The following DIAPH2 variants were observed in gnomAD, a reference collection of about 807,000 sequenced individuals.
DIAPH2 encodes diaphanous related formin 2, also known as protein diaphanous homolog 2.
A neutral mutation model predicts 92.7 loss-of-function variants in DIAPH2; 35 were observed. The ratio of observed to expected loss-of-function variants is 0.38; its 90% CI spans 0.29 to 0.50. The LOEUF is 0.50. DIAPH2 is among the 20% of genes least tolerant of loss of function. DIAPH2 has a pLI of 0.94. For synonymous variants in DIAPH2, 301 were observed against 280.4 expected (o/e 1.07, Z -0.73); for missense variants, 701 against 819.5 (o/e 0.86, Z 1.77).
intron 3 of DIAPH2, among the ~76,000 whole-genome samples, chrX:96,741,381 C>T (rs963981930): frequency 2.7e-5 from 3 of 109,261 alleles, no homozygotes; most frequent in Admixed American, 1.0e-4. Context: ...AACCAGGTTT[C>T]CATCCCACCA....
chrX:96,702,103 G>A (rs1024102983), intron 1 of DIAPH2, among the ~76,000 whole-genome samples: 8 of 111,168 alleles, frequency 7.2e-5, no homozygotes, highest in Non-Finnish European at 1.3e-4. Flanking sequence ...TTCTCCTATC[G>A]CAGATCCTAT....
At chrX:96,925,169 C>T (rs2065572278) in intron 9 of DIAPH2, among the ~76,000 whole-genome samples, 1 of 110,546 alleles carries the variant, frequency 9.0e-6, no homozygotes, top group Admixed American at 9.7e-5. Context: ...TTCCTCCCAA[C>T]TCACAGACCC....
At chrX:97,315,365 T>C (rs1278187477) in intron 23 of DIAPH2, among the ~76,000 whole-genome samples, 2 of 111,946 alleles carry the variant, frequency 1.8e-5, no homozygotes, top group African/African-American at 6.5e-5. Flanking sequence ...TAAGGCATGA[T>C]ATGGCGTAAC....
intron 23 of DIAPH2, among the ~76,000 whole-genome samples, chrX:97,282,899 C>A (rs1174200668): frequency 9.0e-6 from 1 of 111,533 alleles, no homozygotes; most frequent in East Asian, 2.8e-4. Context: ...ATGTACATAG[C>A]AAATTTCATG....
chrX:96,883,984 C>T (rs765843821), intron 5 of DIAPH2: 4 of 188,318 alleles, frequency 2.1e-5, no homozygotes, highest in African/African-American at 1.2e-4. Flanking sequence ...AATAGATAGG[C>T]GCTTTGACCA....
chrX:97,305,132 G>C (rs2068734965), intron 23 of DIAPH2, among the ~76,000 whole-genome samples: 1 of 112,194 alleles, frequency 8.9e-6, no homozygotes, highest in Non-Finnish European at 1.9e-5. Flanking sequence ...GCTGAGCTGA[G>C]GCAGTGTCTA....
chrX:96,809,522 T>C (rs781172464), intron 4 of DIAPH2, among the ~76,000 whole-genome samples: 79 of 110,367 alleles, frequency 7.2e-4, no homozygotes, highest in African/African-American at 2.1e-3. Flanking sequence ...TTCTTTCTTT[T>C]TTTTTTTAAT....
chrX:97,043,113 T>C (rs1422790464), intron 17 of DIAPH2, among the ~76,000 whole-genome samples: 1 of 111,846 alleles, frequency 8.9e-6, no homozygotes, highest in African/African-American at 3.2e-5. Flanking sequence ...ATTAGAAGTG[T>C]TTTCCCTATT....
At chrX:96,775,362 T>C (rs2064370189) in intron 4 of DIAPH2, among the ~76,000 whole-genome samples, 1 of 104,658 alleles carries the variant, frequency 9.6e-6, no homozygotes, top group African/African-American at 3.5e-5. Context: ...CTTGTGTGTG[T>C]GTGTGTGTGT....
chrX:97,383,491 T>G (rs2069570203), intron 24 of DIAPH2, among the ~76,000 whole-genome samples: 1 of 109,172 alleles, frequency 9.2e-6, no homozygotes. Flanking sequence ...ACTTGCTGAG[T>G]CATATTTCCT....
intron 23 of DIAPH2, among the ~76,000 whole-genome samples, chrX:97,320,843 T>C (rs987359933): frequency 1.8e-5 from 2 of 111,886 alleles, no homozygotes; most frequent in African/African-American, 6.5e-5. Context: ...AAATGAAAGA[T>C]CTTTTATTTT....
At chrX:97,534,724 A>T (rs2071083664) in intron 26 of DIAPH2, among the ~76,000 whole-genome samples, 1 of 111,767 alleles carries the variant, frequency 8.9e-6, no homozygotes, top group Non-Finnish European at 1.9e-5. Flanking sequence ...TAGGTTAAAT[A>T]GCTTATGTGA....
chrX:97,577,604 G>A (rs1468301678), intron 26 of DIAPH2, among the ~76,000 whole-genome samples: 1 of 111,623 alleles, frequency 9.0e-6, no homozygotes, highest in Admixed American at 9.6e-5. Flanking sequence ...TGGAGGGGAA[G>A]GAGAAGGCAA....
chrX:97,083,049 ACCTTT>A (rs1452119770), intron 19 of DIAPH2, among the ~76,000 whole-genome samples: 4 of 112,167 alleles, frequency 3.6e-5, no homozygotes, highest in Non-Finnish European at 7.5e-5. Flanking sequence ...GGTAATCAAA[ACCTTT>A]CCTTCTATAC....
intron 17 of DIAPH2, among the ~76,000 whole-genome samples, chrX:97,015,900 A>G (rs1768719547): frequency 9.1e-6 from 1 of 110,433 alleles, no homozygotes; most frequent in Non-Finnish European, 1.9e-5. Context: ...ACACTAACCT[A>G]TATATTGATC....
intron 23 of DIAPH2, among the ~76,000 whole-genome samples, chrX:97,290,987 G>C (rs1311769130): frequency 9.1e-6 from 1 of 110,476 alleles, no homozygotes; most frequent in African/African-American, 3.3e-5. Flanking sequence ...TAGAGGCTGA[G>C]ACAGGAGAAT....
intron 23 of DIAPH2, among the ~76,000 whole-genome samples, chrX:97,252,670 C>T (rs1275629021): frequency 9.0e-6 from 1 of 110,604 alleles, no homozygotes; most frequent in African/African-American, 3.3e-5. Flanking sequence ...ATAAAATTGA[C>T]AAAATAGAAA....
chrX:96,937,515 G>C (rs770621581), intron 11 of DIAPH2, among the ~76,000 whole-genome samples, 164 bp downstream of exon 11: 25 of 111,634 alleles, frequency 2.2e-4, no homozygotes, highest in Admixed American at 5.7e-4. Flanking sequence ...TTCATGTTGA[G>C]GAATTGTCAG....
chrX:97,565,490 A>T (rs920137584), intron 26 of DIAPH2, among the ~76,000 whole-genome samples: 2 of 112,237 alleles, frequency 1.8e-5, no homozygotes, highest in Admixed American at 9.5e-5. Context: ...ATAAAACTTT[A>T]AAAAAGTTTT....
Sources: gnomAD v4.1 joint callset for allele counts (sites outside exome capture counted in the v4.1 genomes callset) on GRCh38, gnomAD v4.1.1 for gene constraint, MANE v1.5 for transcripts, NCBI Gene and HGNC (gene_info 2026-07-23, HGNC 2026-07-21) for gene names.